AKR1C2: variants seen among roughly 807,000 people sequenced by gnomAD.
The protein encoded by AKR1C2 is 3-alpha-HSD3.
A neutral mutation model predicts 39.8 loss-of-function variants in AKR1C2; 27 were observed. That is an observed-to-expected ratio of 0.68 (90% confidence interval 0.50 to 0.93). AKR1C2 has a LOEUF of 0.93. AKR1C2 is among the 40% of genes least tolerant of loss of function. The probability of loss-of-function intolerance (pLI) is 0.00; values close to 1 mark genes in which losing one functional copy is unlikely to be tolerated. For synonymous variants in AKR1C2, 114 were observed against 137.9 expected (o/e 0.83, Z 1.22); for missense variants, 263 against 365.1 (o/e 0.72, Z 2.28).
At chr10:4,998,807 T>C in intron 4 of AKR1C2, 60 bp from the exon 5 acceptor site, 1 of 1,606,146 alleles carries the variant, frequency 6.2e-7, no homozygotes, top group Non-Finnish European at 8.5e-7. Context: ...AAGATAAATG[T>C]AACATAGAAC....
At chr10:5,015,580 AC>A (rs1395032045) in intron 1 of AKR1C2, among the ~76,000 whole-genome samples, 5 of 151,632 alleles carry the variant, frequency 3.3e-5, no homozygotes, top group African/African-American at 1.2e-4. Flanking sequence ...TGTCAATCCC[AC>A]CCCCAGTGAT....
Position 4,998,756 on chromosome 10 carries a change from A to C in AKR1C2, c.448-9T>G, listed in dbSNP as rs782000258. The C allele has an allele frequency of 3.1e-6, 5 of 1,614,056 alleles. No individual in the cohort carries two copies. Among genetic ancestry groups the C allele is most frequent in the East Asian group, 4.5e-5 (2 of 44,870 alleles). On this transcript the variant is annotated splice_polypyrimidine_tract_variant and intron_variant, in intron 4 of 8. Transcript: ENST00000380753. ...TTACACTTCTCCATGGCCTGGGAAA[A>C]AGGAATTGTGAGGTATCATTTGTGT...
intron 1 of AKR1C2, among the ~76,000 whole-genome samples, chr10:5,002,170 C>T (rs1433986115): frequency 1.3e-5 from 2 of 152,166 alleles, no homozygotes; most frequent in African/African-American, 4.8e-5. Context: ...AAGAGATGCC[C>T]TCTACATACT....
At chr10:5,002,781 C>G (rs1375541978) in intron 1 of AKR1C2, among the ~76,000 whole-genome samples, 5 of 152,204 alleles carry the variant, frequency 3.3e-5, no homozygotes, top group Non-Finnish European at 7.3e-5. Flanking sequence ...TCTCCTCATA[C>G]CATCTTTGAT....
upstream of AKR1C2, among the ~76,000 whole-genome samples, chr10:5,004,176 C>T (rs2801884): frequency 0.98 from 149,556 of 152,048 alleles, 73,570 homozygotes; most frequent in East Asian, 1. Flanking sequence ...AAACCTCTAG[C>T]GGCACAGCTC....
chr10:5,009,378 C>G (rs1837472498), intron 1 of AKR1C2, among the ~76,000 whole-genome samples: 1 of 151,986 alleles, frequency 6.6e-6, no homozygotes, highest in South Asian at 2.1e-4. Flanking sequence ...ATTGTTCACC[C>G]CTCAAGCTCC....
chr10:5,003,796 G>C lies in AKR1C2; in HGVS notation c.40C>G (p.His14Asp). Residue 14 changes from histidine (H) to aspartate (D), a missense_variant, in exon 1 of 9, where the codon CAC (histidine) becomes GAC (aspartate). By Grantham distance (81) the His-to-Asp change is moderately conservative. This residue lies in a region of AKR1C2 where 247 missense variants were observed against 267.9 expected (regional missense o/e 0.92). Transcript: ENST00000380753. ...CCAAATCCCAGGACAGGCATGAAGTGACCATCATTCAGCTTCACACACTGG... is the reference window on the plus strand; with the variant it reads ...CCAAATCCCAGGACAGGCATGAAGTCACCATCATTCAGCTTCACACACTGG... The part of the protein sequence containing the change: ...KYQCVKLNDG[H>D]FMPVLGFGTY... The C allele has an allele frequency of 6.2e-7, 1 of 1,614,082 alleles. No homozygotes were observed.
At chr10:5,006,764 G>A (rs150616591), upstream of AKR1C2, among the ~76,000 whole-genome samples, 38 of 149,004 alleles carry the variant, frequency 2.6e-4, no homozygotes, top group East Asian at 1.8e-3. Context: ...TCCATATTTG[G>A]CAAAAAAATT....
At chr10:5,007,672 T>C (rs563251629), upstream of AKR1C2, among the ~76,000 whole-genome samples, 1 of 151,432 alleles carries the variant, frequency 6.6e-6, no homozygotes, top group East Asian at 1.9e-4. Flanking sequence ...ATCCAATCAG[T>C]TTACCTCAAG....
At position 5,013,565 on chromosome 10, in the gene AKR1C2, A is replaced by C. The variant is rs557762580; in HGVS notation, c.-88+4335T>G. 3 of 186,410 alleles carry C rather than the reference A, an allele frequency of 1.6e-5. No individual in the cohort carries two copies. In the East Asian group the frequency reaches 3.5e-4, roughly 22 times the overall value. The allele number at this position is 186,410 out of a possible 1,614,324, so 11.5% of individuals were successfully genotyped here. A position where few individuals can be genotyped will look rare whatever the true frequency, so the allele number is the denominator to read the frequency against. ...GATCAGTTCCAGCAGTTAGTGATTG[A>C]AACTGGACACCCTGATGGACCTGGT... On this transcript the variant is annotated intron_variant, in intron 1 of 6. Transcript: ENST00000604507.
intron 1 of AKR1C2, among the ~76,000 whole-genome samples, chr10:5,013,951 T>C (rs1233538973): frequency 6.6e-6 from 1 of 152,220 alleles, no homozygotes; most frequent in Non-Finnish European, 1.5e-5. Context: ...GTTGGACTTA[T>C]ACAGTATTTG....
upstream of AKR1C2, among the ~76,000 whole-genome samples, chr10:5,005,721 T>A (rs1554774331): frequency 6.6e-6 from 1 of 151,932 alleles, no homozygotes; most frequent in African/African-American, 2.4e-5. Flanking sequence ...AAACAAGAAA[T>A]CACAGTCCAT....
intron 5 of AKR1C2, 33 bp downstream of exon 5, chr10:4,998,592 G>C (rs782267141): frequency 3.1e-6 from 5 of 1,612,240 alleles, no homozygotes; most frequent in Non-Finnish European, 3.4e-6. Flanking sequence ...GGGGCATGAA[G>C]AACAGAAAGG....
intron 8 of AKR1C2, 117 bp from the exon 9 acceptor site, chr10:4,990,155 A>C (rs1195597117): frequency 2.0e-6 from 2 of 1,013,850 alleles, no homozygotes; most frequent in African/African-American, 3.3e-5. Context: ...TCATTTTCTG[A>C]CTGCTCTAGA....
At chr10:5,001,439 T>C in intron 2 of AKR1C2, 75 bp downstream of exon 2, 2 of 1,541,516 alleles carry the variant, frequency 1.3e-6, no homozygotes, top group Non-Finnish European at 8.7e-7. Context: ...CAACTATGGA[T>C]CCAGTCATAG....
chr10:5,014,361 C>T (rs7086573), intron 1 of AKR1C2, among the ~76,000 whole-genome samples: 1 of 152,178 alleles, frequency 6.6e-6, no homozygotes, highest in African/African-American at 2.4e-5. Flanking sequence ...AAAGGTCTCA[C>T]TGTTGTGTTA....
intron 1 of AKR1C2, 76 bp from the exon 2 acceptor site, chr10:5,001,757 A>G (rs1452261671): frequency 1.3e-6 from 2 of 1,594,012 alleles, no homozygotes; most frequent in Admixed American, 3.5e-5. Context: ...AGCAACGTTC[A>G]CAAAAATCAG....
intron 1 of AKR1C2, among the ~76,000 whole-genome samples, chr10:5,016,416 A>G (rs1356682635): frequency 1.3e-5 from 2 of 152,244 alleles, no homozygotes; most frequent in South Asian, 4.1e-4. Flanking sequence ...TACAGGCCCC[A>G]TAAAAGTCCA....
chr10:5,015,410 A>G (rs1554775274), intron 1 of AKR1C2, among the ~76,000 whole-genome samples: 1 of 152,230 alleles, frequency 6.6e-6, no homozygotes, highest in African/African-American at 2.4e-5. Context: ...AGGTAAAAGA[A>G]GACTGACATT....
Sources: allele counts gnomAD v4.1 joint callset (sites outside exome capture counted in the v4.1 genomes callset), GRCh38; gene constraint gnomAD v4.1.1; regional missense constraint gnomAD v4.1.1; transcripts MANE v1.5; gene names NCBI Gene and HGNC (gene_info 2026-07-23, HGNC 2026-07-21).